Variants in SYN3 observed in about 807,000 individuals in gnomAD.
SYN3 encodes the protein synapsin-3.
Under a neutral mutation model 65.8 loss-of-function variants are expected in SYN3, and 35 were observed. The observed-to-expected ratio is 0.53, with a 90% CI of 0.41 to 0.70. SYN3 has a LOEUF of 0.70. Among genes scored for constraint, SYN3 ranks in the 30% least tolerant of loss-of-function variants. The probability of loss-of-function intolerance (pLI) is 0.00; values close to 1 mark genes in which losing one functional copy is unlikely to be tolerated. For missense variants in SYN3, 680 were observed against 749.0 expected (o/e 0.91, Z 1.08); for synonymous variants, 270 against 292.9 (o/e 0.92, Z 0.80).
chr22:32,576,411 C>T (rs1349336863), intron 7 of SYN3, among the ~76,000 whole-genome samples: 3 of 152,182 alleles, frequency 2.0e-5, no homozygotes, highest in Non-Finnish European at 2.9e-5. Context: ...CCCCAGAGAG[C>T]TGCTGTGACA....
At chr22:32,934,599 C>T (rs571931446) in intron 3 of SYN3, among the ~76,000 whole-genome samples, 6 of 152,196 alleles carry the variant, frequency 3.9e-5, no homozygotes, top group Non-Finnish European at 8.8e-5. Flanking sequence ...AACCACCTTC[C>T]CTTCAAGATA....
chr22:32,669,813 T>C (rs375963344), intron 6 of SYN3, among the ~76,000 whole-genome samples: 6 of 152,374 alleles, frequency 3.9e-5, no homozygotes, highest in African/African-American at 1.4e-4. Context: ...AAAGGGGAGC[T>C]GACACATTCT....
chr22:33,037,286 T>C (rs778141592), intron 1 of SYN3, among the ~76,000 whole-genome samples: 2 of 152,070 alleles, frequency 1.3e-5, no homozygotes, highest in Admixed American at 6.6e-5. Context: ...GCTGCCCAGA[T>C]TTTTTGGGCC....
In SYN3 at chr22:32,623,573, C is replaced by G. The variant is rs180877271; in HGVS notation, c.712-26837G>C. 4.4e-3 allele frequency among the ~76,000 whole-genome samples: 673 copies of G among 152,376 alleles called. 5 individuals are homozygous for G. Among genetic ancestry groups the G allele is most frequent in the South Asian group, 0.016 (78 of 4,824 alleles). Reference sequence around the variant, plus strand: ...CATAACCCCAACCTGCCTGCCCTGCCTGGCCTGCAGGCCTAGCTGGCAAAC... The same window carrying G: ...CATAACCCCAACCTGCCTGCCCTGCGTGGCCTGCAGGCCTAGCTGGCAAAC... On this transcript the variant is annotated intron_variant, in intron 6 of 13. Coordinates refer to ENST00000358763, the MANE Select transcript of SYN3 (RefSeq NM_003490.4).
At chr22:32,927,931 G>T (rs1368839297) in intron 4 of SYN3, among the ~76,000 whole-genome samples, 1 of 152,186 alleles carries the variant, frequency 6.6e-6, no homozygotes, top group Non-Finnish European at 1.5e-5. Context: ...ACTGTTCTCA[G>T]GAAGCTGCCA....
intron 12 of SYN3, among the ~76,000 whole-genome samples, chr22:32,518,939 T>C (rs1482234493): frequency 1.3e-5 from 2 of 152,182 alleles, no homozygotes; most frequent in East Asian, 3.8e-4. Context: ...CCTAATCTGA[T>C]AGGCCTGGTG....
intron 6 of SYN3, among the ~76,000 whole-genome samples, chr22:32,730,186 T>C (rs1319205671): frequency 6.6e-6 from 1 of 152,228 alleles, no homozygotes; most frequent in Non-Finnish European, 1.5e-5. Flanking sequence ...ACCATTGTAA[T>C]GGTGGCTACC....
At chr22:32,989,718 C>T (rs536171620) in intron 2 of SYN3, among the ~76,000 whole-genome samples, 1 of 148,580 alleles carries the variant, frequency 6.7e-6, no homozygotes, top group East Asian at 1.9e-4. Context: ...GCCTGTAATC[C>T]CAGCTACTCG....
chr22:32,596,757 T>C (rs530928710), intron 6 of SYN3, 21 bp from the exon 7 acceptor site: 1 of 1,613,278 alleles, frequency 6.2e-7, no homozygotes, highest in East Asian at 2.2e-5. Context: ...CAAGAAGAAG[T>C]CACTCTTAAC....
Position 32,869,093 on chromosome 22 carries a change from C to A in SYN3, c.494G>T (p.Arg165Leu), listed in dbSNP as rs199698408. 2 of 1,613,674 alleles carry A rather than the reference C, an allele frequency of 1.2e-6. No homozygotes were observed. The highest frequency in any genetic ancestry group is 1.1e-5 in the South Asian group (1 of 91,028). Residue 165 changes from arginine (R) to leucine (L), a missense_variant, in exon 5 of 14, where the codon CGC becomes CTC. Transcript: ENST00000358763. ...CAGGGCCATGCTGTAGGCATGCTGG[C>A]GGACCAGGATGAAGTCTGGCTTGAA... ...RSFKPDFILV[R>L]QHAYSMALGE...
chr22:33,033,995 G>A (rs1388571515), intron 1 of SYN3, among the ~76,000 whole-genome samples: 1 of 151,822 alleles, frequency 6.6e-6, no homozygotes, highest in African/African-American at 2.4e-5. Context: ...CATCAGCCTG[G>A]CCAACACAAT....
chr22:32,652,884 T>C (rs1241373928), intron 6 of SYN3, among the ~76,000 whole-genome samples: 1 of 152,138 alleles, frequency 6.6e-6, no homozygotes, highest in Non-Finnish European at 1.5e-5. Flanking sequence ...CCTATGAGCT[T>C]AGGTGTCGAG....
chr22:32,706,720 C>A lies in SYN3; in HGVS notation c.712-109984G>T, dbSNP rs1469292806. Among the ~76,000 whole-genome samples, 4 of 152,342 alleles carry A rather than the reference C, an allele frequency of 2.6e-5. No individual in the cohort carries two copies. In the East Asian group the frequency reaches 7.7e-4, roughly 29 times the overall value. ...TGACTTTGATCTGACTGATTTAGAGCCTTTTGGTGCTGAGGCACCCTTTGC... is the reference window on the plus strand; with the variant it reads ...TGACTTTGATCTGACTGATTTAGAGACTTTTGGTGCTGAGGCACCCTTTGC... On this transcript the variant is annotated intron_variant, in intron 6 of 13. Transcript: ENST00000358763.
At chr22:32,704,998 G>C (rs937321510) in intron 6 of SYN3, among the ~76,000 whole-genome samples, 11 of 152,122 alleles carry the variant, frequency 7.2e-5, no homozygotes, top group African/African-American at 2.2e-4. Flanking sequence ...TCCCACTCTG[G>C]AGGTTTTCTG....
intron 7 of SYN3, among the ~76,000 whole-genome samples, chr22:32,549,355 G>A (rs1157152927): frequency 6.6e-6 from 1 of 152,052 alleles, no homozygotes; most frequent in Non-Finnish European, 1.5e-5. Flanking sequence ...CTGGGCTCAA[G>A]CAATCCTCCT....
intron 6 of SYN3, among the ~76,000 whole-genome samples, chr22:32,622,851 T>C (rs1440685076): frequency 6.6e-6 from 1 of 151,922 alleles, no homozygotes; most frequent in East Asian, 1.9e-4. Context: ...GGACACAGGA[T>C]GTTTCTAGTT....
chr22:32,726,845 T>C (rs2061201244), intron 6 of SYN3, among the ~76,000 whole-genome samples: 1 of 152,068 alleles, frequency 6.6e-6, no homozygotes, highest in African/African-American at 2.4e-5. Flanking sequence ...CAGCCTCCAT[T>C]CTTACTATCC....
intron 1 of SYN3, among the ~76,000 whole-genome samples, chr22:33,051,424 G>T (rs1391468766): frequency 2.0e-5 from 3 of 152,126 alleles, no homozygotes; most frequent in Non-Finnish European, 4.4e-5. Context: ...GTTTTCCTCA[G>T]CTGCTCTGCT....
At chr22:32,755,985 G>A (rs756667585) in intron 6 of SYN3, among the ~76,000 whole-genome samples, 7 of 151,384 alleles carry the variant, frequency 4.6e-5, no homozygotes, top group Non-Finnish European at 7.4e-5. Context: ...AAAAACAAAC[G>A]CCGCATGTTT....
Sources: gnomAD v4.1 joint callset for allele counts (sites outside exome capture counted in the v4.1 genomes callset) on GRCh38, gnomAD v4.1.1 for gene constraint, MANE v1.5 for transcripts, NCBI Gene and HGNC (gene_info 2026-07-23, HGNC 2026-07-21) for gene names.